The following ADGB variants were observed in gnomAD, a reference collection of about 807,000 sequenced individuals.
ADGB encodes androglobin.
ADGB carries 172 observed loss-of-function variants against 210.5 expected under a neutral mutation model. The ratio of observed to expected loss-of-function variants is 0.82; its 90% CI spans 0.72 to 0.93. The LOEUF is 0.93. Among genes scored for constraint, ADGB ranks in the 40% least tolerant of loss-of-function variants. The pLI is 0.00. For missense variants in ADGB, 2,025 were observed against 1,964.8 expected (o/e 1.03, Z -0.58); for synonymous variants, 658 against 662.7 (o/e 0.99, Z 0.11).
At chr6:146,703,150 A>G (rs1162808393) in intron 13 of ADGB, among the ~76,000 whole-genome samples, 1 of 151,824 alleles carries the variant, frequency 6.6e-6, no homozygotes, top group Non-Finnish European at 1.5e-5. Flanking sequence ...TATTTTACCA[A>G]TTCATAGATG....
At chr6:146,799,603 G>A (rs959926697) in intron 33 of ADGB, among the ~76,000 whole-genome samples, 29 of 150,678 alleles carry the variant, frequency 1.9e-4, no homozygotes, top group Non-Finnish European at 3.4e-4. Context: ...AGGGAGAGAG[G>A]GAGGAAGGGA....
chr6:146,652,612 A>G (rs1443470102), intron 3 of ADGB, among the ~76,000 whole-genome samples: 2 of 152,090 alleles, frequency 1.3e-5, no homozygotes, highest in Non-Finnish European at 2.9e-5. Flanking sequence ...TATTAGTTTT[A>G]TATTATTATT....
intron 1 of ADGB, among the ~76,000 whole-genome samples, chr6:146,608,125 G>T (rs539605305): frequency 1.3e-5 from 2 of 151,978 alleles, no homozygotes; most frequent in Non-Finnish European, 2.9e-5. Flanking sequence ...GTTCAAACTT[G>T]GTAGGTTGTA....
chr6:146,801,315 G>T, intron 34 of ADGB, 36 bp downstream of exon 34: 1 of 1,211,186 alleles, frequency 8.3e-7, no homozygotes, highest in Non-Finnish European at 1.1e-6. Context: ...GCAGACAACT[G>T]TGTGTTTTGT....
intron 7 of ADGB, among the ~76,000 whole-genome samples, chr6:146,670,775 T>G (rs1775995443): frequency 1.3e-5 from 2 of 152,150 alleles, no homozygotes; most frequent in Non-Finnish European, 2.9e-5. Context: ...ACGGAATGAC[T>G]GGGATACAGT....
At chr6:146,654,532 T>A (rs552056769) in intron 4 of ADGB, among the ~76,000 whole-genome samples, 1 of 151,946 alleles carries the variant, frequency 6.6e-6, no homozygotes, top group East Asian at 1.9e-4. Flanking sequence ...TTAAATTTTT[T>A]GGTAGAGACG....
Position 146,784,689 on chromosome 6 carries a change from C to T in ADGB, c.4107C>T (p.His1369=). 1 of 1,551,190 alleles carries T rather than the reference C, an allele frequency of 6.4e-7. No homozygotes were observed. Among genetic ancestry groups the T allele is most frequent in the Non-Finnish European group, 8.7e-7 (1 of 1,146,732 alleles). The change falls in exon 31 of 36, where the codon CAC becomes CAT. Residue 1369 remains histidine (H), a synonymous_variant. Coordinates refer to ENST00000397944, the MANE Select transcript of ADGB (RefSeq NM_024694.4). ...PYWILRLVTE[H]NESELFEVKK... is the part of the protein sequence containing the mutation. ...GGATTTTGAGGTTGGTCACTGAACA[C>T]AATGAATCAGAATTATTTGAAGTGA...
At chr6:146,607,283 G>C (rs757342090) in intron 1 of ADGB, among the ~76,000 whole-genome samples, 1 of 152,134 alleles carries the variant, frequency 6.6e-6, no homozygotes, top group African/African-American at 2.4e-5. Flanking sequence ...TCAGGTTTAA[G>C]AGCCATTGGG....
chr6:146,729,970 A>T (rs1776955465), intron 20 of ADGB, among the ~76,000 whole-genome samples: 1 of 152,170 alleles, frequency 6.6e-6, no homozygotes, highest in Admixed American at 6.5e-5. Flanking sequence ...ACTGAAAAAG[A>T]CTTCAGACAT....
At position 146,752,715 on chromosome 6, in the gene ADGB, GT is replaced by G. The variant is rs750205972; in HGVS notation, c.3550+2del. The G allele has an allele frequency of 1.6e-5, 24 of 1,547,338 alleles. No individual in the cohort carries two copies. Among genetic ancestry groups the G allele is most frequent in the Non-Finnish European group, 2.1e-5 (24 of 1,145,088 alleles). On this transcript the variant is annotated splice_donor_variant, in intron 27 of 35. Coordinates refer to ENST00000397944, the MANE Select transcript of ADGB (RefSeq NM_024694.4). LOFTEE classifies it high-confidence loss of function. The stretch of plus-strand genomic sequence containing the variant: ...AGTGAGAAAGGTTTGAGCTCCCAGT[GT>G]AAGTGTACCTTTATGAACAGGATAG...
At chr6:146,797,144 G>A (rs1260293948) in intron 33 of ADGB, among the ~76,000 whole-genome samples, 1 of 152,066 alleles carries the variant, frequency 6.6e-6, no homozygotes, top group African/African-American at 2.4e-5. Flanking sequence ...AAACCACAAT[G>A]TGATACTACC....
chr6:146,777,968 T>C (rs1249383021), intron 29 of ADGB, among the ~76,000 whole-genome samples: 1 of 152,174 alleles, frequency 6.6e-6, no homozygotes, highest in East Asian at 1.9e-4. Context: ...AAACTGTGAG[T>C]TGTTGTGTTA....
intron 1 of ADGB, among the ~76,000 whole-genome samples, chr6:146,625,049 A>G (rs548470721): frequency 6.6e-5 from 10 of 152,174 alleles, no homozygotes; most frequent in Middle Eastern, 3.4e-3. Flanking sequence ...CTGTTGTGAT[A>G]GAGTGTCTTA....
intron 27 of ADGB, among the ~76,000 whole-genome samples, chr6:146,753,109 A>C (rs1246907615): frequency 6.6e-6 from 1 of 152,126 alleles, no homozygotes; most frequent in Non-Finnish European, 1.5e-5. Flanking sequence ...TATTAAATAA[A>C]TAAAATAATT....
chr6:146,791,694 T>C (rs1316977739), intron 33 of ADGB, among the ~76,000 whole-genome samples: 1 of 152,012 alleles, frequency 6.6e-6, no homozygotes, highest in Non-Finnish European at 1.5e-5. Context: ...GAATATCAGG[T>C]TTTCCAAACA....
intron 7 of ADGB, among the ~76,000 whole-genome samples, chr6:146,668,424 G>A (rs1775965456): frequency 2.0e-5 from 3 of 152,026 alleles, no homozygotes; most frequent in South Asian, 2.1e-4. Flanking sequence ...TCACATAAAA[G>A]TATTTTCAGG....
chr6:146,687,315 C>T (rs558710334), intron 10 of ADGB, among the ~76,000 whole-genome samples: 2 of 152,226 alleles, frequency 1.3e-5, no homozygotes, highest in Admixed American at 6.6e-5. Flanking sequence ...AACCTCTTTG[C>T]ATGCTACTGG....
chr6:146,645,805 C>T (rs1775600688), intron 3 of ADGB, among the ~76,000 whole-genome samples: 1 of 151,722 alleles, frequency 6.6e-6, no homozygotes, highest in Non-Finnish European at 1.5e-5. Flanking sequence ...AAAATAATAT[C>T]CTATCAGCCA....
In ADGB at chr6:146,769,064, G is replaced by A; in HGVS notation, c.3795G>A (p.Trp1265Ter). The change falls in exon 29 of 36, where the codon TGG (tryptophan) becomes TGA (stop). Residue 1265 changes from tryptophan to a stop codon, truncating the protein, a stop_gained. Transcript: ENST00000397944. LOFTEE classifies it high-confidence loss of function. ...IIQCSVLYNS[W>*]PLTESQLTFV... ...AGTGTTCGGTGTTGTATAACAGTTG[G>A]CCTCTCACTGAAAGCCAGCTGACAT... 2 of 1,530,992 alleles carry A rather than the reference G, an allele frequency of 1.3e-6. No homozygotes were observed. Among genetic ancestry groups the A allele is most frequent in the Non-Finnish European group, 8.8e-7 (1 of 1,132,796 alleles). 94.8% of individuals were successfully genotyped at this position (1,530,992 alleles called of 1,614,324 possible).
Sources: gnomAD v4.1 joint callset for allele counts (sites outside exome capture counted in the v4.1 genomes callset) on GRCh38, gnomAD v4.1.1 for gene constraint, MANE v1.5 for transcripts, NCBI Gene and HGNC (gene_info 2026-07-23, HGNC 2026-07-21) for gene names.